SLIT3: variants seen among roughly 807,000 people sequenced by gnomAD.
SLIT3 encodes the protein slit guidance ligand 3.
SLIT3 carries 68 observed loss-of-function variants against 184.0 expected under a neutral mutation model. The observed-to-expected ratio is 0.37, with a 90% CI of 0.30 to 0.45. SLIT3 has a LOEUF of 0.45. Ranked by LOEUF, SLIT3 falls within the 20% of genes least tolerant of loss-of-function variation. The probability of loss-of-function intolerance (pLI) is 1.00; values close to 1 mark genes in which losing one functional copy is unlikely to be tolerated. For synonymous variants in SLIT3, 831 were observed against 828.6 expected (o/e 1.00, Z -0.05); for missense variants, 1,707 against 2,026.0 (o/e 0.84, Z 3.02).
chr5:169,079,553 A>G (rs1391396383), intron 4 of SLIT3, among the ~76,000 whole-genome samples: 11 of 106,540 alleles, frequency 1.0e-4, no homozygotes, highest in East Asian at 3.7e-4. Context: ...AGAAGGAGGA[A>G]GAAGGAGGAG....
intron 8 of SLIT3, among the ~76,000 whole-genome samples, chr5:168,812,249 A>T (rs1367524798): frequency 6.6e-6 from 1 of 152,162 alleles, no homozygotes; most frequent in African/African-American, 2.4e-5. Context: ...GCATGTATGA[A>T]GTTATGGTTA....
intron 4 of SLIT3, among the ~76,000 whole-genome samples, chr5:168,970,658 C>T (rs528244505): frequency 6.6e-6 from 1 of 152,238 alleles, no homozygotes; most frequent in Admixed American, 6.5e-5. Flanking sequence ...CAAGTTATGG[C>T]ATTTGTTGTG....
intron 4 of SLIT3, among the ~76,000 whole-genome samples, chr5:168,942,860 T>C (rs1388012059): frequency 5.3e-5 from 8 of 152,186 alleles, no homozygotes; most frequent in Admixed American, 3.3e-4. Flanking sequence ...CGATTTGTTT[T>C]GAGATTTGTG....
intron 7 of SLIT3, among the ~76,000 whole-genome samples, 184 bp downstream of exon 7, chr5:168,823,076 G>A (rs929030751): frequency 1.3e-5 from 2 of 152,198 alleles, no homozygotes; most frequent in South Asian, 4.1e-4. Context: ...GTGGCACCAT[G>A]ACCTGACTCT....
At chr5:169,233,182 C>T (rs941771025) in intron 3 of SLIT3, among the ~76,000 whole-genome samples, 5 of 152,112 alleles carry the variant, frequency 3.3e-5, no homozygotes, top group Non-Finnish European at 5.9e-5. Context: ...CGCACCACCA[C>T]GCCCAGCTAA....
chr5:168,704,307 ACT>A (rs1762312825), intron 26 of SLIT3, among the ~76,000 whole-genome samples: 1 of 149,950 alleles, frequency 6.7e-6, no homozygotes, highest in African/African-American at 2.5e-5. Context: ...ATGGCAAAAT[ACT>A]GACCCTTTGT....
At chr5:169,205,714 A>G (rs957469411) in intron 3 of SLIT3, among the ~76,000 whole-genome samples, 2 of 152,244 alleles carry the variant, frequency 1.3e-5, no homozygotes, top group Admixed American at 6.5e-5. Flanking sequence ...TGAAAGTGCT[A>G]TAAGTTGCGT....
At chr5:168,975,077 AC>A (rs947761587) in intron 4 of SLIT3, among the ~76,000 whole-genome samples, 1 of 152,002 alleles carries the variant, frequency 6.6e-6, no homozygotes, top group Non-Finnish European at 1.5e-5. Context: ...GGGCACACAG[AC>A]CCCCCTACTG....
intron 5 of SLIT3, among the ~76,000 whole-genome samples, chr5:168,866,067 A>G (rs1453117811): frequency 6.6e-6 from 1 of 152,182 alleles, no homozygotes; most frequent in East Asian, 1.9e-4. Flanking sequence ...TTTTCAAGAC[A>G]GCTTTTTCAC....
chr5:169,174,771 AAG>A (rs1446637343), intron 4 of SLIT3, among the ~76,000 whole-genome samples: 2 of 152,214 alleles, frequency 1.3e-5, no homozygotes, highest in African/African-American at 4.8e-5. Context: ...GTGTGATCAA[AAG>A]AAAAAAAAAA....
intron 10 of SLIT3, among the ~76,000 whole-genome samples, chr5:168,795,259 G>C (rs1756526546): frequency 6.6e-6 from 1 of 152,182 alleles, no homozygotes; most frequent in South Asian, 2.1e-4. Context: ...CTCCCACACA[G>C]ATAGTTTTAC....
At chr5:168,752,031 G>A (rs1754735523) in intron 18 of SLIT3, among the ~76,000 whole-genome samples, 1 of 152,036 alleles carries the variant, frequency 6.6e-6, no homozygotes, top group Admixed American at 6.5e-5. Context: ...GAGCCACCAA[G>A]CCTGGCTGCC....
intron 4 of SLIT3, among the ~76,000 whole-genome samples, chr5:169,150,796 G>A (rs558006207): frequency 1.3e-5 from 2 of 152,224 alleles, no homozygotes; most frequent in South Asian, 4.1e-4. Flanking sequence ...AAGGATCTGG[G>A]GATATGGAGC....
rs548733779 is a variant in SLIT3, at chr5:168,953,154, A to C, written c.414-69818T>G. Among the ~76,000 whole-genome samples, 100 of 152,198 alleles carry C rather than the reference A, an allele frequency of 6.6e-4. 1 individual carries two copies. Among genetic ancestry groups the C allele is most frequent in the Admixed American group, 6.5e-3 (99 of 15,282 alleles). ...TCCCAAAGTCAAGGCCTAGTTGGGA[A>C]CAGGACTCAAAGGATCCTGACTAGA... On this transcript the variant is annotated intron_variant, in intron 4 of 35. Coordinates refer to ENST00000519560, the MANE Select transcript of SLIT3 (RefSeq NM_003062.4).
At chr5:168,933,450 G>A (rs991513884) in intron 4 of SLIT3, among the ~76,000 whole-genome samples, 49 of 152,284 alleles carry the variant, frequency 3.2e-4, no homozygotes, top group African/African-American at 1.2e-3. Context: ...GCTGAGACAG[G>A]GGAATTGCTT....
At chr5:169,235,732 AT>A (rs1237793422) in intron 3 of SLIT3, among the ~76,000 whole-genome samples, 1 of 152,134 alleles carries the variant, frequency 6.6e-6, no homozygotes, top group Non-Finnish European at 1.5e-5. Context: ...CTATTCAGGT[AT>A]TTTTTATGAA....
At chr5:169,293,457 T>C (rs1767414229) in intron 1 of SLIT3, among the ~76,000 whole-genome samples, 1 of 152,178 alleles carries the variant, frequency 6.6e-6, no homozygotes, top group Non-Finnish European at 1.5e-5. Flanking sequence ...TGTATTTTTC[T>C]TAATGAAGCT....
chr5:168,921,886 G>A (rs1761647043), intron 4 of SLIT3, among the ~76,000 whole-genome samples: 2 of 143,186 alleles, frequency 1.4e-5, no homozygotes, highest in South Asian at 4.3e-4. Flanking sequence ...ACTGGTCTAA[G>A]CTCATTTAAT....
chr5:169,036,869 C>A (rs753871168), intron 4 of SLIT3, among the ~76,000 whole-genome samples: 5 of 152,148 alleles, frequency 3.3e-5, no homozygotes, highest in Non-Finnish European at 1.5e-5. Context: ...GAGAGCAAAG[C>A]GCTGGTTTCT....
Sources: allele counts gnomAD v4.1 joint callset (sites outside exome capture counted in the v4.1 genomes callset), GRCh38; gene constraint gnomAD v4.1.1; transcripts MANE v1.5; gene names NCBI Gene and HGNC (gene_info 2026-07-23, HGNC 2026-07-21).